Variants in FSTL4 observed in about 807,000 individuals in gnomAD.
FSTL4 encodes follistatin-related protein 4.
FSTL4 carries 28 observed loss-of-function variants against 78.2 expected under a neutral mutation model. The observed-to-expected ratio is 0.36, with a 90% CI of 0.27 to 0.49. FSTL4 has a LOEUF of 0.49. Among genes scored for constraint, FSTL4 ranks in the 20% least tolerant of loss-of-function variants. The pLI, the probability that FSTL4 is intolerant of heterozygous loss-of-function variation, is 0.98. For missense variants in FSTL4, 922 were observed against 1,084.9 expected, an observed-to-expected ratio of 0.85 and a Z score of 2.11; for synonymous variants, 422 against 440.5, an observed-to-expected ratio of 0.96 and a Z score of 0.53.
At chr5:133,837,369 C>G in the FSTL4 span, among the ~76,000 whole-genome samples, 1,398 of 152,288 alleles carry the variant, frequency 9.2e-3, 32 homozygotes, top group African/African-American at 0.032. Context: ...ATGGATAACT[C>G]CAATTTCCAG....
At chr5:133,801,324 C>G in the FSTL4 span, among the ~76,000 whole-genome samples, 3 of 152,196 alleles carry the variant, frequency 2.0e-5, no homozygotes, top group Admixed American at 1.3e-4. Context: ...TCCTCCCAAT[C>G]AGCTTCTTCC....
the FSTL4 span, among the ~76,000 whole-genome samples, chr5:133,706,083 T>C: frequency 3.3e-5 from 5 of 152,148 alleles, no homozygotes; most frequent in Non-Finnish European, 7.4e-5. Flanking sequence ...AGCACCGTAA[T>C]AGGAAGGAGG....
intron 3 of FSTL4, among the ~76,000 whole-genome samples, chr5:133,478,669 A>G (rs1757966999): frequency 6.6e-6 from 1 of 152,206 alleles, no homozygotes; most frequent in South Asian, 2.1e-4. Flanking sequence ...CTTACATCAG[A>G]TCAGGACAAG....
chr5:133,703,125 T>A, the FSTL4 span, among the ~76,000 whole-genome samples: 1 of 152,292 alleles, frequency 6.6e-6, no homozygotes, highest in East Asian at 1.9e-4. Flanking sequence ...ATCTGACAAA[T>A]GACAGGAGAT....
chr5:133,486,187 G>C (rs1368150708), intron 3 of FSTL4, among the ~76,000 whole-genome samples: 1 of 152,008 alleles, frequency 6.6e-6, no homozygotes, highest in Non-Finnish European at 1.5e-5. Context: ...GAGAGAGATC[G>C]GGAGCAAGAG....
intron 4 of FSTL4, among the ~76,000 whole-genome samples, chr5:133,380,079 T>C (rs71585582): frequency 0.012 from 1,763 of 149,636 alleles, 26 homozygotes; most frequent in South Asian, 0.033. Context: ...AAAAATAAAA[T>C]AAAATAAAAC....
chr5:133,213,384 G>GTGTT (rs373543911), intron 13 of FSTL4, among the ~76,000 whole-genome samples: 1,818 of 152,356 alleles, frequency 0.012, 10 homozygotes, highest in African/African-American at 0.016. Flanking sequence ...AGCAAAGTTG[G>GTGTT]TGTTAGAACT....
the FSTL4 span, among the ~76,000 whole-genome samples, chr5:133,683,891 G>A: frequency 6.6e-6 from 1 of 152,194 alleles, no homozygotes; most frequent in African/African-American, 2.4e-5. Flanking sequence ...GGTGGGTGCG[G>A]GCACAAGGAG....
chr5:133,667,599 G>A, the FSTL4 span, among the ~76,000 whole-genome samples: 1 of 152,088 alleles, frequency 6.6e-6, no homozygotes, highest in Non-Finnish European at 1.5e-5. Flanking sequence ...CCTTTGCACT[G>A]GCAGCTCCTC....
the FSTL4 span, among the ~76,000 whole-genome samples, chr5:133,661,902 A>G: frequency 5.3e-5 from 8 of 152,194 alleles, no homozygotes; most frequent in Non-Finnish European, 1.2e-4. Context: ...TTATTCATTT[A>G]TTTAGTCACT....
At chr5:133,441,925 G>A (rs11955607) in intron 3 of FSTL4, among the ~76,000 whole-genome samples, 8,511 of 152,292 alleles carry the variant, frequency 0.056, 787 homozygotes, top group African/African-American at 0.19. Context: ...CTCTGAATGG[G>A]TATGGGTGGC....
chr5:133,266,749 G>C (rs1017617879), intron 6 of FSTL4: 1 of 152,306 alleles, frequency 6.6e-6, no homozygotes, highest in African/African-American at 2.4e-5. Context: ...AGGAAAGCTG[G>C]ATCAGGCCTA....
the FSTL4 span, among the ~76,000 whole-genome samples, chr5:133,779,144 C>A: frequency 2.6e-5 from 4 of 152,268 alleles, no homozygotes; most frequent in African/African-American, 9.6e-5. Context: ...TCTACCAATC[C>A]TCCAGAACAA....
the FSTL4 span, among the ~76,000 whole-genome samples, chr5:133,704,882 C>T: frequency 6.6e-6 from 1 of 152,222 alleles, no homozygotes; most frequent in South Asian, 2.1e-4. Context: ...GCGACACCAA[C>T]AGAATCAAGG....
At chr5:133,646,139 T>C in the FSTL4 span, among the ~76,000 whole-genome samples, 1 of 152,042 alleles carries the variant, frequency 6.6e-6, no homozygotes, top group Non-Finnish European at 1.5e-5. Context: ...ATAAGTGCAA[T>C]GATGTGCTTA....
chr5:133,299,592 T>C (rs1753485671), intron 6 of FSTL4, among the ~76,000 whole-genome samples: 1 of 152,166 alleles, frequency 6.6e-6, no homozygotes, highest in African/African-American at 2.4e-5. Context: ...CCCAGGCCTT[T>C]ATTGTTAATT....
upstream of FSTL4, among the ~76,000 whole-genome samples, chr5:133,614,405 T>C (rs916052074): frequency 6.6e-6 from 1 of 152,232 alleles, no homozygotes; most frequent in African/African-American, 2.4e-5. Flanking sequence ...ACCAGATGTA[T>C]GGAATATTCC....
At chr5:133,740,291 G>A in the FSTL4 span, among the ~76,000 whole-genome samples, 7 of 152,248 alleles carry the variant, frequency 4.6e-5, no homozygotes, top group Middle Eastern at 3.4e-3. Context: ...TAAGAGTGGG[G>A]CAGGCATTCT....
Position 133,338,166 on chromosome 5 carries a change from G to A in FSTL4, c.410-21514C>T, listed in dbSNP as rs1754505197. Among the ~76,000 whole-genome samples, 1 of 152,166 alleles carries A rather than the reference G, an allele frequency of 6.6e-6. No individual in the cohort carries two copies. Among genetic ancestry groups the A allele is most frequent in the African/African-American group, 2.4e-5 (1 of 41,420 alleles). ...TGATTGGCAGGTGTAAATGTCGATTGAGTCATGTTTCTAGATGACTCGGGT... is the reference window on the plus strand; with the variant it reads ...TGATTGGCAGGTGTAAATGTCGATTAAGTCATGTTTCTAGATGACTCGGGT... On this transcript the variant is annotated intron_variant, in intron 4 of 15. Coordinates refer to ENST00000265342, the MANE Select transcript of FSTL4 (RefSeq NM_015082.2). The surrounding 1 kb of genome is among the most constrained non-coding windows in gnomAD (Gnocchi z 4.0).
Sources: gnomAD v4.1 joint callset for allele counts (sites outside exome capture counted in the v4.1 genomes callset) on GRCh38, gnomAD v4.1.1 for gene constraint, Gnocchi (gnomAD v3.1) non-coding constraint, MANE v1.5 for transcripts, NCBI Gene and HGNC (gene_info 2026-07-23, HGNC 2026-07-21) for gene names.